Variants in ITPR1 observed in about 807,000 individuals in gnomAD.
ITPR1 encodes inositol 1,4,5-trisphosphate-gated calcium channel ITPR1.
In ITPR1, 96 loss-of-function variants were observed where a neutral mutation model predicts 318.4. The ratio of observed to expected loss-of-function variants is 0.30; its 90% CI spans 0.26 to 0.36. ITPR1 has a LOEUF of 0.36. ITPR1 is among the 10% of genes least tolerant of loss of function. The pLI, the probability that ITPR1 is intolerant of heterozygous loss-of-function variation, is 1.00. For missense variants in ITPR1, 2,440 were observed against 3,460.2 expected (o/e 0.71, Z 7.40); for synonymous variants, 1,312 against 1,289.9 (o/e 1.02, Z -0.37).
rs2046705594 is a variant in ITPR1, at chr3:4,779,790, TG to T, written c.6387+146del. ...GGAACATTGAATTCAGGCCTCTGAC[TG>T]AGTAGAGAAGTGAAATATTTTGGTT... On this transcript the variant is annotated intron_variant, in intron 49 of 61. Transcript: ENST00000649015. This position sits in a 1 kb window ranked among gnomAD's most constrained non-coding sequence, Gnocchi z 4.0. 2 of 502,730 alleles carry T rather than the reference TG, an allele frequency of 4.0e-6. No homozygotes were observed. The highest frequency in any genetic ancestry group is 7.2e-6 in the Non-Finnish European group (2 of 276,548). 31.1% of individuals were successfully genotyped at this position (502,730 alleles called of 1,614,324 possible).
At chr3:4,540,529 C>G (rs1387274024) in intron 4 of ITPR1, among the ~76,000 whole-genome samples, 1 of 151,928 alleles carries the variant, frequency 6.6e-6, no homozygotes, top group Non-Finnish European at 1.5e-5. Flanking sequence ...TTTTTTAAAT[C>G]TTTTTTTCCC....
intron 61 of ITPR1, among the ~76,000 whole-genome samples, chr3:4,842,121 C>T (rs1005414631): frequency 6.6e-6 from 1 of 152,196 alleles, no homozygotes; most frequent in Non-Finnish European, 1.5e-5. Flanking sequence ...CATTTAGAGG[C>T]AATACTGGTA....
chr3:4,685,008 TG>T, intron 29 of ITPR1, 60 bp from the exon 30 acceptor site: 1 of 1,555,436 alleles, frequency 6.4e-7, no homozygotes, highest in South Asian at 1.2e-5. Context: ...CACCACCCTC[TG>T]CAATCTTTTT....
chr3:4,645,752 C>T (rs946077041), intron 10 of ITPR1, 24 bp downstream of exon 10: 3 of 1,606,758 alleles, frequency 1.9e-6, no homozygotes, highest in South Asian at 1.1e-5. Flanking sequence ...GGAGAAAGGG[C>T]TCCTGGGTTT....
At chr3:4,612,520 A>T (rs915375743) in intron 4 of ITPR1, among the ~76,000 whole-genome samples, 1 of 150,610 alleles carries the variant, frequency 6.6e-6, no homozygotes, top group Non-Finnish European at 1.5e-5. Context: ...ATATCCCCCC[A>T]CTTCTGTCCC....
At chr3:4,757,165 A>G (rs1016714280) in intron 44 of ITPR1, among the ~76,000 whole-genome samples, 4 of 152,158 alleles carry the variant, frequency 2.6e-5, no homozygotes, top group Non-Finnish European at 4.4e-5. Flanking sequence ...CTCTCTGCCT[A>G]CCCAGGTGTG....
intron 4 of ITPR1, among the ~76,000 whole-genome samples, chr3:4,557,270 AAG>A (rs2086221869): frequency 1.3e-5 from 2 of 152,354 alleles, no homozygotes; most frequent in East Asian, 3.9e-4. Flanking sequence ...GGTGGCAGGC[AAG>A]AGAGAGCAGG....
intron 4 of ITPR1, among the ~76,000 whole-genome samples, chr3:4,558,735 C>T (rs1575527795): frequency 2.6e-5 from 4 of 152,008 alleles, no homozygotes; most frequent in African/African-American, 7.2e-5. Context: ...GGTGCAGGTA[C>T]GAATCCAGAA....
In ITPR1 at chr3:4,832,854, C is replaced by G. The variant is rs185613731; in HGVS notation, c.8029-3920C>G. On this transcript the variant is annotated intron_variant, in intron 60 of 61. Transcript: ENST00000649015. ...CAAGACGCAGGGCATCAGTGCCTCT[C>G]CACCACCACTGAGGCGAGGGGCAGA... 7.4e-4 allele frequency among the ~76,000 whole-genome samples: 112 copies of G among 152,334 alleles called. 1 individual carries two copies. The highest frequency in any genetic ancestry group is 2.6e-3 in the African/African-American group (107 of 41,576).
chr3:4,635,554 C>G (rs563898291), intron 5 of ITPR1, among the ~76,000 whole-genome samples: 2 of 151,836 alleles, frequency 1.3e-5, no homozygotes, highest in Non-Finnish European at 2.9e-5. Context: ...CCTGTGTTAG[C>G]CAGGATGGTC....
chr3:4,788,631 T>C (rs999486504), intron 52 of ITPR1, among the ~76,000 whole-genome samples: 3 of 152,204 alleles, frequency 2.0e-5, no homozygotes, highest in African/African-American at 7.2e-5. Context: ...AGGTGCATCA[T>C]TGCTCACCAG....
Position 4,658,156 on chromosome 3 carries a change from G to T in ITPR1, c.1029G>T (p.Arg343Ser). The change falls in exon 13 of 62, where the codon AGG becomes AGT. Residue 343 changes from arginine (R) to serine (S), a missense_variant. By Grantham distance (110) the Arg-to-Ser change is moderately radical (BLOSUM62 -1). Around this residue, in one of 23 missense-constraint regions of ITPR1, gnomAD observed 101 missense variants for 119.6 expected, o/e 0.84. Coordinates refer to ENST00000649015, the MANE Select transcript of ITPR1 (RefSeq NM_001378452.1). ...CTGATCAGGACGCCTCTCGAAGTAG[G>T]TTGCGGAATGCCCAAGAAAAGATGG... is the stretch of plus-strand genomic sequence containing the variant. Reference protein sequence around the residue: ...VDPDQDASRSRLRNAQEKMVY... With the variant: ...VDPDQDASRSSLRNAQEKMVY... 1 of 1,613,232 alleles carries T rather than the reference G, an allele frequency of 6.2e-7. No homozygotes were observed. Among genetic ancestry groups the T allele is most frequent in the Non-Finnish European group, 8.5e-7 (1 of 1,179,432 alleles).
At chr3:4,669,997 GA>G (rs1287782376) in intron 19 of ITPR1, among the ~76,000 whole-genome samples, 3 of 152,104 alleles carry the variant, frequency 2.0e-5, no homozygotes, top group Non-Finnish European at 4.4e-5. Context: ...TACAAGTTTA[GA>G]AGTCATGTAA....
chr3:4,735,051 G>A (rs2043175974), intron 43 of ITPR1, 113 bp from the exon 44 acceptor site: 1 of 789,918 alleles, frequency 1.3e-6, no homozygotes, highest in African/African-American at 1.7e-5. Flanking sequence ...AGGGTTAAAA[G>A]AGATGAACAT....
Position 4,557,517 on chromosome 3 carries a change from G to T in ITPR1, c.163+36423G>T, listed in dbSNP as rs143500131. Among the ~76,000 whole-genome samples the T allele has an allele frequency of 5.2e-3, 789 of 152,082 alleles. 3 individuals carry two copies. The highest frequency in any genetic ancestry group is 0.018 in the African/African-American group (740 of 41,472). ...CACTTTTTTTTGTTTTTGCTATGTT[G>T]ACCAGGTTGGCCATGATAATTCCCT... is the stretch of plus-strand genomic sequence containing the variant. On this transcript the variant is annotated intron_variant, in intron 4 of 61. Coordinates refer to ENST00000649015, the MANE Select transcript of ITPR1 (RefSeq NM_001378452.1).
In ITPR1 at chr3:4,499,942, G is replaced by C. The variant is rs73807271; in HGVS notation, c.-17+5436G>C. 6.2e-3 allele frequency among the ~76,000 whole-genome samples: 937 copies of C among 152,236 alleles called. 15 individuals carry two copies. Among genetic ancestry groups the C allele is most frequent in the African/African-American group, 0.021 (886 of 41,542 alleles). ...AGTCTGCTCTGTAAACTTTGCTTAG[G>C]TGGGTGTGAGATGTTGGATGTCTAC... On this transcript the variant is annotated intron_variant, in intron 2 of 61. Coordinates refer to ENST00000649015, the MANE Select transcript of ITPR1 (RefSeq NM_001378452.1).
chr3:4,818,031 C>T, intron 59 of ITPR1, 51 bp from the exon 60 acceptor site: 21 of 1,484,956 alleles, frequency 1.4e-5, no homozygotes, highest in Middle Eastern at 1.8e-4. Context: ...GATTTTTTTT[C>T]TTTACCAAGG....
chr3:4,608,039 C>T (rs751490138), intron 4 of ITPR1, among the ~76,000 whole-genome samples: 1 of 152,050 alleles, frequency 6.6e-6, no homozygotes, highest in Non-Finnish European at 1.5e-5. Context: ...ATACTGTAAA[C>T]TAAATGTCTC....
intron 2 of ITPR1, among the ~76,000 whole-genome samples, chr3:4,497,671 A>G (rs559059615): frequency 2.7e-4 from 41 of 152,336 alleles, no homozygotes; most frequent in African/African-American, 8.9e-4. Context: ...AAAATTAAAC[A>G]TAAAATTACT....
Sources: allele counts gnomAD v4.1 joint callset (sites outside exome capture counted in the v4.1 genomes callset), GRCh38; gene constraint gnomAD v4.1.1; regional missense constraint gnomAD v4.1.1; non-coding constraint Gnocchi (gnomAD v3.1); transcripts MANE v1.5; gene names NCBI Gene and HGNC (gene_info 2026-07-23, HGNC 2026-07-21).